The following EPB41L2 variants were observed in gnomAD, a reference collection of about 807,000 sequenced individuals.
EPB41L2 encodes erythrocyte membrane protein band 4.1 like 2, also known as band 4.1-like protein 2.
Under a neutral mutation model 113.0 loss-of-function variants are expected in EPB41L2, and 43 were observed. The ratio of observed to expected loss-of-function variants is 0.38; its 90% confidence interval spans 0.30 to 0.49. The LOEUF (loss-of-function observed/expected upper bound fraction) is 0.49, where lower values mean the gene tolerates loss of function less well. EPB41L2 is among the 20% of genes least tolerant of loss of function. The probability of loss-of-function intolerance (pLI) is 0.95; values close to 1 mark genes in which losing one functional copy is unlikely to be tolerated. For synonymous variants in EPB41L2, 442 were observed against 436.7 expected (o/e 1.01, Z -0.15); for missense variants, 1,147 against 1,223.4 (o/e 0.94, Z 0.93).
chr6:131,028,997 AG>A (rs1791478290), intron 1 of EPB41L2, among the ~76,000 whole-genome samples: 1 of 152,204 alleles, frequency 6.6e-6, no homozygotes, highest in Non-Finnish European at 1.5e-5. Context: ...TTGGCTTTAG[AG>A]GGTTACAAAG....
chr6:130,936,224 C>G (rs748971492), intron 3 of EPB41L2, among the ~76,000 whole-genome samples: 9 of 152,156 alleles, frequency 5.9e-5, no homozygotes, highest in Non-Finnish European at 1.0e-4. Context: ...TAAACAGCTG[C>G]TAAATAGCCT....
intron 1 of EPB41L2, among the ~76,000 whole-genome samples, chr6:131,010,451 C>T (rs1786668059): frequency 6.7e-6 from 1 of 149,154 alleles, no homozygotes; most frequent in African/African-American, 2.5e-5. Context: ...TTCACACTGT[C>T]ACCCAGGCTG....
chr6:130,885,738 G>T (rs1297859269), intron 11 of EPB41L2, among the ~76,000 whole-genome samples: 1 of 152,064 alleles, frequency 6.6e-6, no homozygotes, highest in Non-Finnish European at 1.5e-5. Flanking sequence ...CCTTTAATTT[G>T]AATACCCTTC....
chr6:130,979,297 C>T (rs1164683595), intron 1 of EPB41L2, among the ~76,000 whole-genome samples: 1 of 151,640 alleles, frequency 6.6e-6, no homozygotes, highest in African/African-American at 2.4e-5. Context: ...ACCAGCCTGG[C>T]CAACATAGCA....
rs922628400 is a variant in EPB41L2 at position 130,955,183 on chromosome 6, T to C, written c.627A>G (p.Gln209=). The change falls in exon 3 of 20, where the codon CAA becomes CAG. Residue 209 remains glutamine (Q), a synonymous_variant. Coordinates refer to ENST00000337057, the MANE Select transcript of EPB41L2 (RefSeq NM_001431.4). ...CAGTTTTGGTCTTCTTGGTGACTTTTTGAGATGCCTTCTCTGCTTTCAGCT... is the reference window on the plus strand; with the variant it reads ...CAGTTTTGGTCTTCTTGGTGACTTTCTGAGATGCCTTCTCTGCTTTCAGCT... The part of the protein sequence containing the change: ...TNELKAEKAS[Q]KVTKKTKTVQ... The C allele has an allele frequency of 1.9e-6, 3 of 1,614,190 alleles. No individual in the cohort carries two copies. The highest frequency in any genetic ancestry group is 2.5e-6 in the Non-Finnish European group (3 of 1,180,020).
chr6:130,924,732 G>A (rs1461885165), intron 4 of EPB41L2, among the ~76,000 whole-genome samples: 1 of 152,078 alleles, frequency 6.6e-6, no homozygotes, highest in Non-Finnish European at 1.5e-5. Context: ...TTCCAGAGTG[G>A]TTGTATCAGT....
intron 1 of EPB41L2, among the ~76,000 whole-genome samples, chr6:130,985,296 G>A (rs562854772): frequency 6.7e-6 from 1 of 149,456 alleles, no homozygotes; most frequent in South Asian, 2.1e-4. Context: ...AGCCACATTT[G>A]GGGGGGGACT....
chr6:130,901,125 A>G lies in EPB41L2; in HGVS notation c.985T>C (p.Ser329Pro). 2.5e-6 allele frequency: 4 copies of G among 1,614,144 alleles called. No homozygotes were observed. Among genetic ancestry groups the G allele is most frequent in the Non-Finnish European group, 3.4e-6 (4 of 1,180,004 alleles). The change falls in exon 7 of 20, where the codon TCT becomes CCT. Residue 329 changes from serine (S) to proline (P), a missense_variant. By Grantham distance (74) the Ser-to-Pro change is moderately conservative (BLOSUM62 -1). Transcript: ENST00000337057. ...CCCAGGAGAGCATGAGTCACAAAAG[A>G]GCAGGGCAGGCGGCCAGAGGCAATG... ...QDIASGRLPC[S>P]FVTHALLGSY...
At chr6:130,863,570 A>G (rs991792416) in intron 18 of EPB41L2, 68 bp downstream of exon 18, 3 of 1,127,212 alleles carry the variant, frequency 2.7e-6, no homozygotes, top group Non-Finnish European at 4.0e-6. Context: ...GGTATGCGAC[A>G]TGATGACAAA....
At chr6:131,018,196 GC>G (rs1459916646) in intron 1 of EPB41L2, among the ~76,000 whole-genome samples, 1 of 152,084 alleles carries the variant, frequency 6.6e-6, no homozygotes, top group East Asian at 1.9e-4. Flanking sequence ...CTCCTGCTCT[GC>G]CGTCTTTAAC....
intron 1 of EPB41L2, among the ~76,000 whole-genome samples, chr6:130,960,919 T>C (rs569171253): frequency 6.6e-6 from 1 of 152,326 alleles, no homozygotes; most frequent in East Asian, 1.9e-4. Context: ...TATATACTGC[T>C]ATGTTCCCAG....
intron 1 of EPB41L2, among the ~76,000 whole-genome samples, chr6:130,966,607 G>C (rs1236085578): frequency 6.6e-6 from 1 of 152,196 alleles, no homozygotes; most frequent in African/African-American, 2.4e-5. Context: ...GGGGAATGGA[G>C]GGTGGTGCTG....
At chr6:130,956,600 C>T in intron 1 of EPB41L2, 101 bp from the exon 2 acceptor site, 2 of 1,033,060 alleles carry the variant, frequency 1.9e-6, no homozygotes, top group Non-Finnish European at 2.8e-6. Context: ...AGAAGAGTAA[C>T]AGATGACAGG....
At chr6:130,864,396 G>A (rs1783056462) in intron 17 of EPB41L2, among the ~76,000 whole-genome samples, 1 of 152,196 alleles carries the variant, frequency 6.6e-6, no homozygotes, top group Admixed American at 6.5e-5. Flanking sequence ...ATGACACCCT[G>A]CGTAAGTAGT....
intron 1 of EPB41L2, among the ~76,000 whole-genome samples, chr6:130,985,628 G>GT (rs1780372002): frequency 6.6e-6 from 1 of 152,312 alleles, no homozygotes; most frequent in Admixed American, 6.5e-5. Flanking sequence ...CTGTGTCATT[G>GT]TGAGTAGGAG....
At chr6:131,007,647 A>G (rs2128721248) in intron 1 of EPB41L2, among the ~76,000 whole-genome samples, 1 of 152,298 alleles carries the variant, frequency 6.6e-6, no homozygotes, top group East Asian at 1.9e-4. Context: ...ATATGGGACA[A>G]TGAAGTCCAA....
chr6:130,955,221 C>A lies in EPB41L2; in HGVS notation c.589G>T (p.Val197Leu). 1 of 1,614,148 alleles carries A rather than the reference C, an allele frequency of 6.2e-7. No homozygotes were observed. The highest frequency in any genetic ancestry group is 8.5e-7 in the Non-Finnish European group (1 of 1,180,032). The change falls in exon 3 of 20, where the codon GTG (valine) becomes TTG (leucine). Residue 197 changes from valine to leucine, a missense_variant. Transcript: ENST00000337057. ...GGAAKRETKE[V>L]QTNELKAEKA... ...TCTGCTTTCAGCTCATTGGTCTGCACTTCCTTGGTCTCCCTTTTTGCTGCT... is the reference window on the plus strand; with the variant it reads ...TCTGCTTTCAGCTCATTGGTCTGCAATTCCTTGGTCTCCCTTTTTGCTGCT...
At chr6:131,031,331 A>AT (rs1562769040) in intron 1 of EPB41L2, among the ~76,000 whole-genome samples, 1 of 152,186 alleles carries the variant, frequency 6.6e-6, no homozygotes. Flanking sequence ...AGAGTAAGCT[A>AT]TAAGTGATAA....
intron 1 of EPB41L2, among the ~76,000 whole-genome samples, chr6:131,019,107 T>G (rs1788891818): frequency 6.6e-6 from 1 of 152,218 alleles, no homozygotes; most frequent in African/African-American, 2.4e-5. Flanking sequence ...TGGGGAAAAC[T>G]GTTATCTTTA....
Sources: allele counts gnomAD v4.1 joint callset (sites outside exome capture counted in the v4.1 genomes callset), GRCh38; gene constraint gnomAD v4.1.1; transcripts MANE v1.5; gene names NCBI Gene and HGNC (gene_info 2026-07-23, HGNC 2026-07-21).